CSMD2: variants seen among roughly 807,000 people sequenced by gnomAD.
CSMD2 encodes the protein CUB and sushi domain-containing protein 2.
A neutral mutation model predicts 398.5 loss-of-function variants in CSMD2; 130 were observed. The ratio of observed to expected loss-of-function variants is 0.33; its 90% CI spans 0.28 to 0.38. CSMD2 has a LOEUF of 0.38. Ranked by LOEUF, CSMD2 falls within the 10% of genes least tolerant of loss-of-function variation. The pLI is 1.00. For missense variants in CSMD2, 3,829 were observed against 4,764.9 expected (o/e 0.80, Z 5.78); for synonymous variants, 1,828 against 1,908.5 (o/e 0.96, Z 1.10).
Position 33,758,198 on chromosome 1 carries a change from G to A in CSMD2, c.1846+14371C>T, listed in dbSNP as rs1037958073. On this transcript the variant is annotated intron_variant, in intron 13 of 70. Coordinates refer to ENST00000373381, the MANE Select transcript of CSMD2 (RefSeq NM_001281956.2). ...TACTTGCAGCTCTCCAAATGTGCAA[G>A]GCTAATCCATGTTTGTATTTTTGCC... Among the ~76,000 whole-genome samples the A allele has an allele frequency of 7.2e-5, 11 of 152,152 alleles. 1 individual carries two copies. The highest frequency in any genetic ancestry group is 2.1e-4 in the South Asian group (1 of 4,828).
At chr1:33,530,746 G>A (rs1459076569) in intron 64 of CSMD2, among the ~76,000 whole-genome samples, 9 of 152,118 alleles carry the variant, frequency 5.9e-5, no homozygotes, top group Admixed American at 2.0e-4. Flanking sequence ...TATACACAAT[G>A]GAATACTATG....
intron 2 of CSMD2, among the ~76,000 whole-genome samples, chr1:34,082,279 G>T (rs1484364546): frequency 2.0e-5 from 3 of 148,568 alleles, no homozygotes; most frequent in Non-Finnish European, 4.5e-5. Context: ...CCTCTGCCCG[G>T]CTGCCCCGTC....
chr1:34,066,217 T>C (rs1224695755), intron 2 of CSMD2, among the ~76,000 whole-genome samples: 1 of 152,170 alleles, frequency 6.6e-6, no homozygotes, highest in African/African-American at 2.4e-5. Context: ...TGCAGACACA[T>C]ACACACAGCA....
At position 34,006,973 on chromosome 1, in the gene CSMD2, C is replaced by T. The variant is rs114167651; in HGVS notation, c.517+25621G>A. ...TCTAGCCATAAAAAATGTTCTCTCC[C>T]GGGGCAGAATGCTAGCTCACTGCCT... On this transcript the variant is annotated intron_variant, in intron 3 of 70. Transcript: ENST00000373381. 4.1e-3 allele frequency among the ~76,000 whole-genome samples: 625 copies of T among 152,196 alleles called. 1 individual carries two copies. Among genetic ancestry groups the T allele is most frequent in the Non-Finnish European group, 6.6e-3 (450 of 68,022 alleles).
chr1:33,609,259 G>C (rs1403496765), intron 41 of CSMD2, among the ~76,000 whole-genome samples: 1 of 152,190 alleles, frequency 6.6e-6, no homozygotes, highest in African/African-American at 2.4e-5. Context: ...AACTGATTCA[G>C]TTGCACCCAC....
Position 33,514,989 on chromosome 1 carries a change from C to T in CSMD2, c.*1635G>A, listed in dbSNP as rs1382572345. 6.6e-6 allele frequency: 1 copy of T among 152,212 alleles called. No individual in the cohort carries two copies. The highest frequency in any genetic ancestry group is 2.4e-5 in the African/African-American group (1 of 41,442). 9.4% of individuals were successfully genotyped at this position (152,212 alleles called of 1,614,324 possible). On this transcript the variant is annotated 3_prime_UTR_variant, in exon 71 of 71. Transcript: ENST00000373381. Reference sequence around the variant, plus strand: ...TTCTATTTGCTATTTCAATATGTGACATGAATCTCTGAGGCCAGCATGTCA... The same window carrying T: ...TTCTATTTGCTATTTCAATATGTGATATGAATCTCTGAGGCCAGCATGTCA...
chr1:33,633,285 A>T lies in CSMD2; in HGVS notation c.5200+137T>A. ...CGAGCTGGCTGCTGCGTTGTAGACA[A>T]GCACCAGAACACGACAGGCACGCAG... is the stretch of plus-strand genomic sequence containing the variant. On this transcript the variant is annotated intron_variant, in intron 32 of 70. Transcript: ENST00000373381. The surrounding 1 kb of genome is among the most constrained non-coding windows in gnomAD (Gnocchi z 5.0). 1.5e-6 allele frequency: 1 copy of T among 671,514 alleles called. No homozygotes were observed. The highest frequency in any genetic ancestry group is 2.6e-6 in the Non-Finnish European group (1 of 381,132). The allele number at this position is 671,514 out of a possible 1,614,324, so 41.6% of individuals were successfully genotyped here.
intron 3 of CSMD2, among the ~76,000 whole-genome samples, chr1:33,948,450 G>C (rs1473672937): frequency 6.6e-6 from 1 of 152,058 alleles, no homozygotes; most frequent in Non-Finnish European, 1.5e-5. Context: ...CCCTTTACAA[G>C]AGACATGCAC....
Position 33,587,145 on chromosome 1 carries a change from G to A in CSMD2, c.6880C>T (p.Pro2294Ser), listed in dbSNP as rs1201043178. 2 of 1,610,288 alleles carry A rather than the reference G, an allele frequency of 1.2e-6. No homozygotes were observed. The highest frequency in any genetic ancestry group is 1.3e-5 in the African/African-American group (1 of 74,882). ...TCGGCGTTGGGGAGGATGGTGGGAG[G>A]AGGGCATTTGGTGAGTGGATAAGCT... ...FSAYPLTKCP[P>S]PTILPNAEVV... Residue 2294 changes from proline to serine, a missense_variant, in exon 45 of 71, where the codon CCT becomes TCT. Pro to Ser is a moderately conservative substitution (Grantham distance 74). Around this residue, in one of 5 missense-constraint regions of CSMD2, gnomAD observed 723 missense variants for 758.6 expected, o/e 0.95. Transcript: ENST00000373381.
chr1:33,867,726 G>A (rs532632277), intron 5 of CSMD2, among the ~76,000 whole-genome samples: 11 of 151,984 alleles, frequency 7.2e-5, no homozygotes, highest in South Asian at 4.2e-4. Flanking sequence ...ACCTCCCACC[G>A]TCCAGTGCTA....
chr1:33,681,047 C>T (rs951431083), intron 25 of CSMD2, among the ~76,000 whole-genome samples: 1 of 149,828 alleles, frequency 6.7e-6, no homozygotes, highest in Non-Finnish European at 1.5e-5. Context: ...GCCTCAGCCT[C>T]CTGAATAGCT....
In CSMD2 at chr1:33,724,848, A is replaced by C. The variant is rs116827657; in HGVS notation, c.2696-144T>G. The C allele has an allele frequency of 3.0e-4, 231 of 757,678 alleles. 1 individual carries two copies. In the African/African-American group the frequency reaches 3.7e-3, roughly 12 times the overall value. 46.9% of individuals were successfully genotyped at this position (757,678 alleles called of 1,614,324 possible). On this transcript the variant is annotated intron_variant, in intron 17 of 70. Coordinates refer to ENST00000373381, the MANE Select transcript of CSMD2 (RefSeq NM_001281956.2). ...CTGACTCATGAAATGTGGCCGTCAGAATTTGCTGAGAGTGGCTTAGGTGCT... is the reference window on the plus strand; with the variant it reads ...CTGACTCATGAAATGTGGCCGTCAGCATTTGCTGAGAGTGGCTTAGGTGCT...
At chr1:33,575,193 G>GGA (rs746370150) in intron 49 of CSMD2, among the ~76,000 whole-genome samples, 1 of 152,172 alleles carries the variant, frequency 6.6e-6, no homozygotes, top group African/African-American at 2.4e-5. Flanking sequence ...GATCTCTGAG[G>GGA]GAGAGAGACA....
intron 2 of CSMD2, among the ~76,000 whole-genome samples, chr1:34,071,281 T>A (rs1655709701): frequency 6.6e-6 from 1 of 152,212 alleles, no homozygotes; most frequent in Non-Finnish European, 1.5e-5. Context: ...AGAAACTGCT[T>A]CCATGAATTC....
intron 1 of CSMD2, among the ~76,000 whole-genome samples, chr1:34,121,512 G>A (rs1662183125): frequency 6.6e-6 from 1 of 152,122 alleles, no homozygotes; most frequent in Non-Finnish European, 1.5e-5. Context: ...GTGGGTCAGT[G>A]CTTCTCAAAC....
chr1:34,056,168 C>T (rs918429068), intron 2 of CSMD2, among the ~76,000 whole-genome samples: 2 of 152,232 alleles, frequency 1.3e-5, no homozygotes, highest in Non-Finnish European at 2.9e-5. Flanking sequence ...CATTTATCCC[C>T]TGCTATCTCC....
In CSMD2 at chr1:33,617,634, C is replaced by G. The variant is rs1414355913; in HGVS notation, c.5828-17G>C. 5.0e-6 allele frequency: 8 copies of G among 1,600,802 alleles called. No individual in the cohort carries two copies. The Admixed American group carries it at 8.3e-5, about 17-fold the overall frequency. On this transcript the variant is annotated splice_polypyrimidine_tract_variant and intron_variant, in intron 37 of 70. Coordinates refer to ENST00000373381, the MANE Select transcript of CSMD2 (RefSeq NM_001281956.2). ...GGCCCACCGCTAGACAAGACAGAGA[C>G]AGAAGGAAAGGAGAATGGACTAGCC...
Position 33,518,936 on chromosome 1 carries a change from C to T in CSMD2, c.*53+529G>A, listed in dbSNP as rs377191021. On this transcript the variant is annotated intron_variant, in intron 70 of 70. Coordinates refer to ENST00000373381, the MANE Select transcript of CSMD2 (RefSeq NM_001281956.2). This position sits in a 1 kb window ranked among gnomAD's most constrained non-coding sequence, Gnocchi z 4.3. ...ATCTTGATATGGGGTATATGTATTGCGTTTATAGTGTATGAATGTATATAT... is the reference window on the plus strand; with the variant it reads ...ATCTTGATATGGGGTATATGTATTGTGTTTATAGTGTATGAATGTATATAT... Among the ~76,000 whole-genome samples the T allele has an allele frequency of 2.0e-5, 3 of 151,926 alleles. No homozygotes were observed. The highest frequency in any genetic ancestry group is 6.6e-5 in the Admixed American group (1 of 15,254).
intron 60 of CSMD2, 45 bp downstream of exon 60, chr1:33,540,480 G>A: frequency 1.2e-6 from 2 of 1,603,120 alleles, no homozygotes; most frequent in Non-Finnish European, 1.7e-6. Context: ...CAAGGGGAAG[G>A]AGCTATTGAA....
Sources: allele counts gnomAD v4.1 joint callset (sites outside exome capture counted in the v4.1 genomes callset), GRCh38; gene constraint gnomAD v4.1.1; regional missense constraint gnomAD v4.1.1; non-coding constraint Gnocchi (gnomAD v3.1); transcripts MANE v1.5; gene names NCBI Gene and HGNC (gene_info 2026-07-23, HGNC 2026-07-21).